MAST4: variants seen among roughly 807,000 people sequenced by gnomAD.
The protein encoded by MAST4 is microtubule-associated serine/threonine-protein kinase 4.
In MAST4, 89 loss-of-function variants were observed where a neutral mutation model predicts 162.7. The ratio of observed to expected loss-of-function variants is 0.55; its 90% confidence interval spans 0.46 to 0.65. MAST4 has a LOEUF of 0.65. Ranked by LOEUF, MAST4 falls within the 30% of genes least tolerant of loss-of-function variation. The pLI is 0.00. For synonymous variants in MAST4, 1,479 were observed against 1,361.1 expected, an observed-to-expected ratio of 1.09 and a Z score of -1.91; for missense variants, 3,153 against 3,374.0, an observed-to-expected ratio of 0.93 and a Z score of 1.62.
intron 4 of MAST4, among the ~76,000 whole-genome samples, chr5:66,952,310 C>T (rs1744801311): frequency 6.6e-6 from 1 of 152,068 alleles, no homozygotes; most frequent in South Asian, 2.1e-4. Context: ...AATGCCTTGC[C>T]CACAGTGAAC....
chr5:67,138,115 C>T (rs939289105), intron 19 of MAST4, among the ~76,000 whole-genome samples: 2 of 152,100 alleles, frequency 1.3e-5, no homozygotes, highest in African/African-American at 4.8e-5. Context: ...GGCTGTATGA[C>T]CCTGGACAGG....
intron 1 of MAST4, among the ~76,000 whole-genome samples, chr5:66,694,609 C>G (rs1749274811): frequency 6.6e-6 from 1 of 152,122 alleles, no homozygotes; most frequent in Non-Finnish European, 1.5e-5. Context: ...GCCTTAGCCT[C>G]CTGAGTAGCT....
intron 2 of MAST4, among the ~76,000 whole-genome samples, chr5:66,785,757 A>G (rs776607071): frequency 6.6e-6 from 1 of 152,232 alleles, no homozygotes; most frequent in Non-Finnish European, 1.5e-5. Context: ...AGCATTTACT[A>G]AGTGCCAGGC....
chr5:66,727,884 G>T (rs536997013), intron 1 of MAST4, among the ~76,000 whole-genome samples: 2 of 152,168 alleles, frequency 1.3e-5, no homozygotes, highest in African/African-American at 4.8e-5. Flanking sequence ...AACTCCTTGT[G>T]ACTCACTTGG....
chr5:67,112,808 G>C (rs1176365868), intron 11 of MAST4, among the ~76,000 whole-genome samples: 1 of 152,064 alleles, frequency 6.6e-6, no homozygotes, highest in African/African-American at 2.4e-5. Flanking sequence ...ATTGGCCATT[G>C]GTGATCCACT....
chr5:66,865,965 C>G (rs925139358), intron 3 of MAST4, among the ~76,000 whole-genome samples: 2 of 150,794 alleles, frequency 1.3e-5, no homozygotes, highest in African/African-American at 4.9e-5. Flanking sequence ...ATCCCAGCTA[C>G]TTGGGAGACT....
chr5:66,726,017 C>A (rs1051429950), intron 1 of MAST4, among the ~76,000 whole-genome samples: 1 of 151,438 alleles, frequency 6.6e-6, no homozygotes, highest in Admixed American at 6.6e-5. Flanking sequence ...AATCTTTATA[C>A]GTATATGAAC....
At chr5:67,100,743 T>C (rs1242439521) in intron 8 of MAST4, among the ~76,000 whole-genome samples, 151 bp downstream of exon 8, 2 of 152,214 alleles carry the variant, frequency 1.3e-5, no homozygotes, top group African/African-American at 2.4e-5. Context: ...ACACATAATA[T>C]TGTTAATTAC....
intron 3 of MAST4, among the ~76,000 whole-genome samples, chr5:66,871,279 GTTTT>G (rs140390553): frequency 0.014 from 2,062 of 152,282 alleles, 45 homozygotes; most frequent in African/African-American, 0.047. Context: ...AAGTGTATCA[GTTTT>G]AAGTATGTGT....
intron 1 of MAST4, among the ~76,000 whole-genome samples, chr5:66,656,952 A>G (rs1433733762): frequency 6.6e-6 from 1 of 152,144 alleles, no homozygotes; most frequent in Non-Finnish European, 1.5e-5. Flanking sequence ...CCCAAGCAGA[A>G]TTGTATTTTG....
At chr5:66,928,306 C>T (rs1049654663) in intron 4 of MAST4, among the ~76,000 whole-genome samples, 7 of 152,182 alleles carry the variant, frequency 4.6e-5, no homozygotes, top group East Asian at 1.9e-4. Flanking sequence ...CTGAGTTCTT[C>T]AGAATGGGGT....
Position 66,721,160 on chromosome 5 carries a change from C to T in MAST4, c.364-38549C>T, listed in dbSNP as rs529716020. On this transcript the variant is annotated intron_variant, in intron 1 of 28. Coordinates refer to ENST00000403625, the MANE Select transcript of MAST4 (RefSeq NM_001164664.2). ...ACACATAAGTATGCTGTCATTGTTT[C>T]ATCTTCCATTAAGCTTCTCTTGCCC... Among the ~76,000 whole-genome samples the T allele has an allele frequency of 2.6e-5, 4 of 152,286 alleles. No individual in the cohort carries two copies. The East Asian group carries it at 7.7e-4, about 29-fold the overall frequency.
rs1253369825 is a variant in MAST4, at chr5:67,095,629, T to C, written c.866T>C (p.Leu289Pro). The C allele has an allele frequency of 6.2e-7, 1 of 1,609,684 alleles. No homozygotes were observed. The highest frequency in any genetic ancestry group is 1.1e-5 in the South Asian group (1 of 90,088). ...TDGRRWSLASLPSSGYGTNTP... is the reference protein window; with the variant it reads ...TDGRRWSLASPPSSGYGTNTP... The stretch of plus-strand genomic sequence containing the variant: ...GGACGCCGCTGGTCGTTGGCTTCTC[T>C]CCCTTCCTCTGGCTATGGGACAAAC... Residue 289 changes from leucine (L) to proline (P), a missense_variant, in exon 7 of 29, where the codon CTC (leucine) becomes CCC (proline). By Grantham distance (98) the Leu-to-Pro change is moderately conservative. Around this residue, in one of 7 missense-constraint regions of MAST4, gnomAD observed 360 missense variants for 450.0 expected, o/e 0.80. Coordinates refer to ENST00000403625, the MANE Select transcript of MAST4 (RefSeq NM_001164664.2).
intron 10 of MAST4, among the ~76,000 whole-genome samples, chr5:67,109,887 G>T (rs1018691776): frequency 2.0e-5 from 3 of 152,258 alleles, no homozygotes; most frequent in South Asian, 2.1e-4. Flanking sequence ...TGCAATTAAG[G>T]TTTAGCTAAT....
chr5:67,097,580 T>C (rs1276127338), intron 7 of MAST4, among the ~76,000 whole-genome samples: 1 of 152,186 alleles, frequency 6.6e-6, no homozygotes, highest in African/African-American at 2.4e-5. Context: ...AAATCGTTGC[T>C]GTCTCTAAAT....
At chr5:66,859,385 G>A (rs1477309341) in intron 3 of MAST4, among the ~76,000 whole-genome samples, 1 of 152,070 alleles carries the variant, frequency 6.6e-6, no homozygotes, top group African/African-American at 2.4e-5. Context: ...AAATACTGGA[G>A]TTTTTGTTGG....
rs967337772 is a variant in MAST4 at position 67,168,553 on chromosome 5, A to G, written c.*1502A>G. ...CAGTTTCTTTGGTGGCTTGTTTTGT[A>G]TTGTAAGATGGCACTTGCTGATATA... is the stretch of plus-strand genomic sequence containing the variant. On this transcript the variant is annotated 3_prime_UTR_variant, in exon 29 of 29. Transcript: ENST00000403625. 6 of 152,060 alleles carry G rather than the reference A, an allele frequency of 3.9e-5. No homozygotes were observed. The highest frequency in any genetic ancestry group is 8.8e-5 in the Non-Finnish European group (6 of 68,010). 9.4% of individuals were successfully genotyped at this position (152,060 alleles called of 1,614,324 possible).
intron 1 of MAST4, among the ~76,000 whole-genome samples, chr5:66,713,138 T>A (rs1750602289): frequency 6.6e-6 from 1 of 152,186 alleles, no homozygotes; most frequent in African/African-American, 2.4e-5. Context: ...TTGGTCTTTG[T>A]TTTTTTGTTT....
chr5:66,799,339 G>T (rs1412139934), intron 3 of MAST4, among the ~76,000 whole-genome samples: 1 of 152,098 alleles, frequency 6.6e-6, no homozygotes, highest in Non-Finnish European at 1.5e-5. Flanking sequence ...TTGGAATAGT[G>T]CATATCGGAA....
Sources: gnomAD v4.1 joint callset for allele counts (sites outside exome capture counted in the v4.1 genomes callset) on GRCh38, gnomAD v4.1.1 for gene constraint, gnomAD v4.1.1 regional missense constraint, MANE v1.5 for transcripts, NCBI Gene and HGNC (gene_info 2026-07-23, HGNC 2026-07-21) for gene names.